Variants in MICAL3 observed in about 807,000 individuals in gnomAD.
The protein encoded by MICAL3 is microtubule associated monooxygenase, calponin and LIM domain containing 3.
A neutral mutation model predicts 207.4 loss-of-function variants in MICAL3; 62 were observed. That is an observed-to-expected ratio of 0.30 (90% CI 0.24 to 0.37). The LOEUF (loss-of-function observed/expected upper bound fraction) is 0.37, where lower values mean the gene tolerates loss of function less well. MICAL3 is among the 10% of genes least tolerant of loss of function. MICAL3 has a pLI of 1.00. For synonymous variants in MICAL3, 1,077 were observed against 1,069.3 expected (o/e 1.01, Z -0.14); for missense variants, 2,368 against 2,635.6 (o/e 0.90, Z 2.22).
intron 16 of MICAL3, chr22:17,884,203 T>TGG (rs2146214198): frequency 9.6e-7 from 1 of 1,043,440 alleles, no homozygotes; most frequent in South Asian, 1.5e-5. Context: ...GCCTGAACCC[T>TGG]GGCTGGCTCA....
chr22:17,887,520 G>T, intron 13 of MICAL3, 85 bp from the exon 14 acceptor site: 2 of 826,386 alleles, frequency 2.4e-6, no homozygotes, highest in Non-Finnish European at 3.9e-6. Context: ...CTCGTGGATG[G>T]TTCGCAGAGC....
intron 1 of MICAL3, chr22:18,019,805 GATTTTTTTTTT>G: frequency 7.8e-6 from 1 of 127,876 alleles, no homozygotes. Flanking sequence ...GAATGCTGCT[GATTTTTTTTTT>G]TTTTTTTTTT....
intron 1 of MICAL3, among the ~76,000 whole-genome samples, chr22:17,910,834 CTCATTCCTTAAGGTCAAAGCCAGA>C (rs1932092640): frequency 6.6e-6 from 1 of 152,232 alleles, no homozygotes; most frequent in South Asian, 2.1e-4. Context: ...CCCCATTTCC[CTCATTCCTTAAGGTCAAAGCCAGA>C]TCATGCTCCT....
chr22:17,824,585 C>T (rs1921975353), intron 22 of MICAL3, among the ~76,000 whole-genome samples: 1 of 152,338 alleles, frequency 6.6e-6, no homozygotes, highest in Admixed American at 6.5e-5. Context: ...GTTTGAAGAA[C>T]TGTATGAAAC....
At position 17,822,947 on chromosome 22, in the gene MICAL3, C is replaced by T; in HGVS notation, c.3307G>A (p.Asp1103Asn). The T allele has an allele frequency of 6.2e-7, 1 of 1,601,088 alleles. No individual in the cohort carries two copies. The highest frequency in any genetic ancestry group is 8.6e-7 in the Non-Finnish European group (1 of 1,168,594). The change falls in exon 23 of 32, where the codon GAT (aspartate) becomes AAT (asparagine). Residue 1103 changes from aspartate (D) to asparagine (N), a missense_variant and splice_region_variant. By Grantham distance (23) the Asp-to-Asn change is conservative. Around this residue, in one of 4 missense-constraint regions of MICAL3, gnomAD observed 1,770 missense variants for 1,863.2 expected, o/e 0.95. Coordinates refer to ENST00000441493, the MANE Select transcript of MICAL3 (RefSeq NM_015241.3). ...PGDTGAELDDDQHWSDSPSDA... is the reference protein window; with the variant it reads ...PGDTGAELDDNQHWSDSPSDA... Reference sequence around the variant, plus strand: ...AGGGGCGGGGAGGGCGGACCCCTACCATCATCCAGCTCAGCACCAGTGTCC... The same window carrying T: ...AGGGGCGGGGAGGGCGGACCCCTACTATCATCCAGCTCAGCACCAGTGTCC...
At chr22:17,872,132 T>TG in intron 16 of MICAL3, 109 bp from the exon 17 acceptor site, 1 of 920,344 alleles carries the variant, frequency 1.1e-6, no homozygotes, top group Admixed American at 2.6e-5. Context: ...CTAAGGGGTC[T>TG]GCTTTGAGAC....
intron 19 of MICAL3, among the ~76,000 whole-genome samples, chr22:17,846,670 G>A (rs747247955): frequency 5.9e-5 from 9 of 152,214 alleles, no homozygotes; most frequent in Non-Finnish European, 1.3e-4. Context: ...CCCGCCTGTC[G>A]GGCTAGCTGG....
chr22:17,966,599 G>C (rs1935154394), intron 1 of MICAL3, among the ~76,000 whole-genome samples: 1 of 152,190 alleles, frequency 6.6e-6, no homozygotes, highest in Non-Finnish European at 1.5e-5. Flanking sequence ...GAGTTGGACT[G>C]AGATTAATCC....
intron 16 of MICAL3, among the ~76,000 whole-genome samples, chr22:17,884,758 G>C (rs1929730217): frequency 6.6e-6 from 1 of 152,140 alleles, no homozygotes; most frequent in African/African-American, 2.4e-5. Flanking sequence ...GGGGCACCTG[G>C]GGCTGCCAGA....
chr22:17,822,787 G>A (rs1921789178), intron 23 of MICAL3, among the ~76,000 whole-genome samples, 160 bp downstream of exon 23: 1 of 152,228 alleles, frequency 6.6e-6, no homozygotes. Context: ...TCGTGGGTAG[G>A]TGGTGGTTGG....
intron 1 of MICAL3, among the ~76,000 whole-genome samples, chr22:18,000,300 C>T (rs1361881828): frequency 6.6e-6 from 1 of 151,594 alleles, no homozygotes; most frequent in African/African-American, 2.4e-5. Flanking sequence ...CATTCCTCTA[C>T]ATCAACCCGT....
At chr22:17,933,483 G>A (rs1041367656) in intron 1 of MICAL3, among the ~76,000 whole-genome samples, 1 of 152,112 alleles carries the variant, frequency 6.6e-6, no homozygotes, top group Non-Finnish European at 1.5e-5. Flanking sequence ...AGTGTAGAGG[G>A]AAATTTATAG....
At chr22:17,879,248 G>T in intron 16 of MICAL3, 1 of 1,023,314 alleles carries the variant, frequency 9.8e-7, no homozygotes, top group Non-Finnish European at 1.4e-6. Context: ...CAAGGGGAGG[G>T]GGCCGTCCCC....
At chr22:17,804,497 CAG>C (rs571473480) in intron 29 of MICAL3, among the ~76,000 whole-genome samples, 26 of 152,346 alleles carry the variant, frequency 1.7e-4, no homozygotes, top group African/African-American at 6.3e-4. Flanking sequence ...AGGAAACGAG[CAG>C]AGACTCATGC....
At chr22:17,849,021 A>C (rs987397436) in intron 19 of MICAL3, among the ~76,000 whole-genome samples, 8 of 152,164 alleles carry the variant, frequency 5.3e-5, no homozygotes, top group Non-Finnish European at 1.0e-4. Context: ...CCCTCCAACA[A>C]ACTTCTTCTG....
At chr22:17,887,695 C>T (rs77858188) in intron 13 of MICAL3, among the ~76,000 whole-genome samples, 2,231 of 152,298 alleles carry the variant, frequency 0.015, 52 homozygotes, top group African/African-American at 0.048. Context: ...TACCAAAACC[C>T]GCACTTTTGC....
chr22:18,002,498 T>TG (rs1394763397), intron 1 of MICAL3, among the ~76,000 whole-genome samples: 1 of 151,548 alleles, frequency 6.6e-6, no homozygotes, highest in East Asian at 2.0e-4. Flanking sequence ...CCAGGCATGG[T>TG]GGCGCGCGTC....
At chr22:17,863,854 C>T in intron 19 of MICAL3, 2 of 985,446 alleles carry the variant, frequency 2.0e-6, no homozygotes, top group Non-Finnish European at 2.4e-6. Context: ...TGACCAACTC[C>T]TCCTCCACAT....
chr22:18,013,515 G>A (rs980779855), intron 1 of MICAL3, among the ~76,000 whole-genome samples: 1 of 152,170 alleles, frequency 6.6e-6, no homozygotes, highest in Non-Finnish European at 1.5e-5. Flanking sequence ...GTCATGACAA[G>A]AGCATGGGTT....
Sources: allele counts gnomAD v4.1 joint callset (sites outside exome capture counted in the v4.1 genomes callset), GRCh38; gene constraint gnomAD v4.1.1; regional missense constraint gnomAD v4.1.1; transcripts MANE v1.5; gene names NCBI Gene and HGNC (gene_info 2026-07-23, HGNC 2026-07-21).